PLPPR1: variants seen among roughly 807,000 people sequenced by gnomAD.
PLPPR1 encodes phospholipid phosphatase related 1.
In PLPPR1, 10 loss-of-function variants were observed where a neutral mutation model predicts 33.1. The observed-to-expected ratio is 0.30, with a 90% CI of 0.19 to 0.51. The LOEUF is 0.51. Among genes scored for constraint, PLPPR1 ranks in the 20% least tolerant of loss-of-function variants. PLPPR1 has a pLI of 0.97. For missense variants in PLPPR1, 304 were observed against 408.1 expected (o/e 0.74, Z 2.20); for synonymous variants, 151 against 151.0 (o/e 1.00, Z 0.00).
intron 1 of PLPPR1, among the ~76,000 whole-genome samples, chr9:101,090,718 AAAACAAACAAAC>A (rs55685639): frequency 0.57 from 86,173 of 149,882 alleles, 24,700 homozygotes; most frequent in East Asian, 0.72. Context: ...ACTCTGTCTC[AAAACAAACAAAC>A]AAACAAACAA....
intron 1 of PLPPR1, among the ~76,000 whole-genome samples, chr9:101,110,707 G>A (rs572001477): frequency 6.6e-5 from 10 of 152,184 alleles, no homozygotes; most frequent in African/African-American, 2.2e-4. Flanking sequence ...ATTTCTGGAC[G>A]AATAAGAAGT....
chr9:101,165,813 T>G (rs1175326574), intron 1 of PLPPR1, among the ~76,000 whole-genome samples: 3 of 152,204 alleles, frequency 2.0e-5, no homozygotes, highest in African/African-American at 7.2e-5. Context: ...CATTTTGACA[T>G]CCCCATGACT....
At chr9:101,049,998 G>A (rs375906959) in intron 1 of PLPPR1, among the ~76,000 whole-genome samples, 10 of 151,446 alleles carry the variant, frequency 6.6e-5, no homozygotes, top group African/African-American at 9.7e-5. Flanking sequence ...GGTGGCGTGC[G>A]CCTGTAGTCC....
chr9:101,233,531 A>C (rs1827231884), intron 2 of PLPPR1, among the ~76,000 whole-genome samples: 1 of 151,932 alleles, frequency 6.6e-6, no homozygotes, highest in Non-Finnish European at 1.5e-5. Flanking sequence ...TGCCATTGTA[A>C]CAGTATTAAG....
chr9:101,036,690 G>T (rs1399165639), intron 1 of PLPPR1, among the ~76,000 whole-genome samples: 1 of 117,162 alleles, frequency 8.5e-6, no homozygotes, highest in East Asian at 2.6e-4. Flanking sequence ...ACAAAGCTTG[G>T]CTATTTCTGC....
At chr9:101,108,960 A>ATTTTTT (rs5899429) in intron 1 of PLPPR1, among the ~76,000 whole-genome samples, 12 of 136,788 alleles carry the variant, frequency 8.8e-5, no homozygotes, top group African/African-American at 1.6e-4. Context: ...GTCTTCAATA[A>ATTTTTT]TTTTTTTTTT....
At chr9:101,034,321 A>G (rs1829983914) in intron 1 of PLPPR1, among the ~76,000 whole-genome samples, 2 of 152,132 alleles carry the variant, frequency 1.3e-5, no homozygotes, top group East Asian at 1.9e-4. Context: ...CTTCCCCACA[A>G]CTACATGACT....
chr9:101,095,090 T>G (rs772217209), intron 1 of PLPPR1, among the ~76,000 whole-genome samples: 1 of 152,316 alleles, frequency 6.6e-6, no homozygotes, highest in East Asian at 1.9e-4. Flanking sequence ...GTCTATCCCT[T>G]TCTCAGATCT....
intron 3 of PLPPR1, 74 bp from the exon 4 acceptor site, chr9:101,286,030 T>G: frequency 8.0e-7 from 1 of 1,254,892 alleles, no homozygotes. Context: ...CAGTTTTGTT[T>G]TGTTTTTAAA....
At chr9:101,298,090 A>G (rs926815933) in intron 4 of PLPPR1, among the ~76,000 whole-genome samples, 2 of 152,224 alleles carry the variant, frequency 1.3e-5, no homozygotes, top group South Asian at 2.1e-4. Flanking sequence ...TTTGTTTACC[A>G]TATAGAAGGA....
chr9:101,165,272 T>A (rs1013580277), intron 1 of PLPPR1, among the ~76,000 whole-genome samples: 5 of 152,188 alleles, frequency 3.3e-5, no homozygotes, highest in African/African-American at 1.2e-4. Flanking sequence ...GTCATTGACA[T>A]AATGTTGCCT....
At chr9:101,135,085 G>A (rs2118620459) in intron 1 of PLPPR1, among the ~76,000 whole-genome samples, 1 of 152,298 alleles carries the variant, frequency 6.6e-6, no homozygotes, top group Non-Finnish European at 1.5e-5. Flanking sequence ...TCCCTGGCTA[G>A]TGAACTTGCA....
chr9:101,126,942 T>A lies in PLPPR1; in HGVS notation c.-45-58508T>A, dbSNP rs184572624. ...TTTGTATCATCTTTATACGCTTTTTTAAAATCTCTGCCAATTCTCTCCCAT... is the reference window on the plus strand; with the variant it reads ...TTTGTATCATCTTTATACGCTTTTTAAAAATCTCTGCCAATTCTCTCCCAT... On this transcript the variant is annotated intron_variant, in intron 1 of 7. Transcript: ENST00000374874. Among the ~76,000 whole-genome samples, 1,511 of 152,270 alleles carry A rather than the reference T, an allele frequency of 9.9e-3. 15 individuals are homozygous for A. Among genetic ancestry groups the A allele is most frequent in the Non-Finnish European group, 0.016 (1,095 of 68,020 alleles).
At chr9:101,056,126 A>G (rs1830275409) in intron 1 of PLPPR1, among the ~76,000 whole-genome samples, 3 of 152,160 alleles carry the variant, frequency 2.0e-5, no homozygotes, top group Admixed American at 2.0e-4. Flanking sequence ...TATTACCCAT[A>G]GTCTTTAGGT....
chr9:101,288,574 T>TA (rs146555252), intron 4 of PLPPR1, among the ~76,000 whole-genome samples: 16,977 of 150,852 alleles, frequency 0.11, 1,172 homozygotes, highest in African/African-American at 0.2. Flanking sequence ...AATAAAAAAA[T>TA]AAAAAAAAAG....
intron 1 of PLPPR1, among the ~76,000 whole-genome samples, chr9:101,060,371 A>T (rs1395026492): frequency 1.3e-5 from 2 of 152,006 alleles, no homozygotes; most frequent in Non-Finnish European, 2.9e-5. Flanking sequence ...GTTACACAGG[A>T]GGAATAAGTT....
intron 2 of PLPPR1, among the ~76,000 whole-genome samples, chr9:101,250,290 T>C (rs1202617511): frequency 6.6e-6 from 1 of 152,092 alleles, no homozygotes; most frequent in Non-Finnish European, 1.5e-5. Flanking sequence ...GTGGTTCTTG[T>C]GCGCACACAG....
At chr9:101,256,204 G>A (rs1179314648) in intron 2 of PLPPR1, among the ~76,000 whole-genome samples, 2 of 152,100 alleles carry the variant, frequency 1.3e-5, no homozygotes, top group Non-Finnish European at 2.9e-5. Flanking sequence ...GAAACTTTCT[G>A]CATATAGCTT....
At position 101,222,302 on chromosome 9, in the gene PLPPR1, G is replaced by A. The variant is rs934260896; in HGVS notation, c.63+36745G>A. Among the ~76,000 whole-genome samples the A allele has an allele frequency of 2.2e-4, 33 of 152,312 alleles. 1 individual carries two copies. The highest frequency in any genetic ancestry group is 3.4e-3 in the Middle Eastern group (1 of 294). On this transcript the variant is annotated intron_variant, in intron 2 of 7. Coordinates refer to ENST00000374874, the MANE Select transcript of PLPPR1 (RefSeq NM_207299.2). ...ACACCAGCATGCTTTTTGCTAAAAG[G>A]CAGATTCTGCAGTCTACCATTTTTC...
Sources: gnomAD v4.1 joint callset for allele counts (sites outside exome capture counted in the v4.1 genomes callset) on GRCh38, gnomAD v4.1.1 for gene constraint, MANE v1.5 for transcripts, NCBI Gene and HGNC (gene_info 2026-07-23, HGNC 2026-07-21) for gene names.